Variants in FHOD3 observed in about 807,000 individuals in gnomAD.
The protein encoded by FHOD3 is FH1/FH2 domain-containing protein 3.
In FHOD3, 90 loss-of-function variants were observed where a neutral mutation model predicts 173.0. The ratio of observed to expected loss-of-function variants is 0.52; its 90% CI spans 0.44 to 0.62. FHOD3 has a LOEUF of 0.62. FHOD3 is among the 20% of genes least tolerant of loss of function. The pLI, the probability that FHOD3 is intolerant of heterozygous loss-of-function variation, is 0.00. For synonymous variants in FHOD3, 828 were observed against 823.0 expected (o/e 1.01, Z -0.10); for missense variants, 1,945 against 2,034.7 (o/e 0.96, Z 0.85).
intron 3 of FHOD3, among the ~76,000 whole-genome samples, chr18:36,434,756 G>T (rs1232811079): frequency 1.3e-5 from 2 of 151,970 alleles, no homozygotes; most frequent in Non-Finnish European, 2.9e-5. Context: ...AATTTTCAGG[G>T]TACAGGTCTT....
intron 13 of FHOD3, 93 bp downstream of exon 13, chr18:36,653,509 C>T: frequency 1.1e-6 from 1 of 908,136 alleles, no homozygotes; most frequent in Non-Finnish European, 1.7e-6. Flanking sequence ...TAATATCTTC[C>T]TACAACGTGA....
chr18:36,633,068 G>A (rs2034629076), intron 10 of FHOD3, among the ~76,000 whole-genome samples: 2 of 152,214 alleles, frequency 1.3e-5, no homozygotes, highest in South Asian at 4.1e-4. Context: ...CATGCGCAGT[G>A]CCCTGCTGGC....
intron 6 of FHOD3, among the ~76,000 whole-genome samples, chr18:36,583,438 T>C (rs2058923288): frequency 6.6e-6 from 1 of 152,212 alleles, no homozygotes; most frequent in South Asian, 2.1e-4. Flanking sequence ...TACAGGGTTT[T>C]ATTCTTTTCC....
At chr18:36,379,012 A>AT (rs2047599914) in intron 3 of FHOD3, among the ~76,000 whole-genome samples, 1 of 152,204 alleles carries the variant, frequency 6.6e-6, no homozygotes, top group Non-Finnish European at 1.5e-5. Context: ...GCTGGGAACC[A>AT]TTCAGTTCTG....
chr18:36,544,926 A>G (rs1195323047), intron 5 of FHOD3, among the ~76,000 whole-genome samples: 1 of 152,252 alleles, frequency 6.6e-6, no homozygotes, highest in Non-Finnish European at 1.5e-5. Flanking sequence ...TATTTCTTAC[A>G]TTAAAATCCT....
chr18:36,777,742 C>T (rs2043784897), intron 28 of FHOD3: 1 of 152,176 alleles, frequency 6.6e-6, no homozygotes, highest in Non-Finnish European at 1.5e-5. Context: ...AGGAGCCAAA[C>T]ATTTTGTCTT....
intron 8 of FHOD3, 76 bp from the exon 9 acceptor site, chr18:36,611,876 G>A: frequency 6.4e-6 from 9 of 1,410,392 alleles, no homozygotes; most frequent in Non-Finnish European, 8.7e-6. Context: ...GCCTGGATTA[G>A]GCATTGGAAA....
At chr18:36,436,331 TA>T (rs1429454040) in intron 3 of FHOD3, among the ~76,000 whole-genome samples, 1 of 152,200 alleles carries the variant, frequency 6.6e-6, no homozygotes, top group Non-Finnish European at 1.5e-5. Context: ...TTTTTTTATT[TA>T]AAAAATCTGG....
At chr18:36,594,662 A>G in intron 6 of FHOD3, 125 bp from the exon 7 acceptor site, 1 of 632,176 alleles carries the variant, frequency 1.6e-6, no homozygotes. Context: ...TCTGTGAAGG[A>G]ATCTGTGTAA....
chr18:36,416,022 A>T (rs1221291246), intron 3 of FHOD3, among the ~76,000 whole-genome samples: 1 of 152,114 alleles, frequency 6.6e-6, no homozygotes, highest in Admixed American at 6.6e-5. Context: ...AATATCATAT[A>T]CATAGGTGTC....
In FHOD3 at chr18:36,760,779, C is replaced by G. The variant is rs2042838474; in HGVS notation, c.4621C>G (p.Arg1541Gly). The G allele has an allele frequency of 1.9e-6, 3 of 1,609,018 alleles. No individual in the cohort carries two copies. The highest frequency in any genetic ancestry group is 2.5e-6 in the Non-Finnish European group (3 of 1,178,116). Residue 1541 changes from arginine (R) to glycine (G), a missense_variant, in exon 27 of 29, where the codon CGA becomes GGA. By Grantham distance (125) the Arg-to-Gly change is moderately radical. This residue lies in a region of FHOD3 where 354 missense variants were observed against 359.9 expected (regional missense o/e 0.98). Transcript: ENST00000590592. The part of the protein sequence containing the change: ...LGVRTRSRAS[R>G]GSTSSWTMGT... ...CGTCCGCACACGCAGCCGAGCAAGC[C>G]GAGGTAACTCCTGGCTGCGCGGGGC...
chr18:36,754,612 C>T (rs1244317799), intron 24 of FHOD3, among the ~76,000 whole-genome samples: 1 of 151,952 alleles, frequency 6.6e-6, no homozygotes, highest in Non-Finnish European at 1.5e-5. Flanking sequence ...TATGAATTAA[C>T]ATGTTATTCA....
intron 1 of FHOD3, among the ~76,000 whole-genome samples, chr18:36,338,407 T>G (rs2045435112): frequency 6.6e-6 from 1 of 152,176 alleles, no homozygotes; most frequent in African/African-American, 2.4e-5. Context: ...AACCTGGCTT[T>G]TTATGTACCG....
chr18:36,740,965 A>G, intron 21 of FHOD3, 127 bp downstream of exon 21: 2 of 897,518 alleles, frequency 2.2e-6, no homozygotes, highest in Non-Finnish European at 1.6e-6. Context: ...TGAATTGACA[A>G]TGAGGAGGTC....
At chr18:36,716,147 T>A (rs543113783) in intron 18 of FHOD3, among the ~76,000 whole-genome samples, 2 of 152,240 alleles carry the variant, frequency 1.3e-5, no homozygotes, top group Admixed American at 6.5e-5. Flanking sequence ...GACATTTTTA[T>A]AAACATCATG....
At chr18:36,762,865 A>G (rs1438433167) in intron 27 of FHOD3, among the ~76,000 whole-genome samples, 1 of 147,598 alleles carries the variant, frequency 6.8e-6, no homozygotes, top group Non-Finnish European at 1.5e-5. Flanking sequence ...TATTATATAC[A>G]TAATATATAA....
At chr18:36,304,628 A>G (rs117965073) in intron 1 of FHOD3, among the ~76,000 whole-genome samples, 2,648 of 152,268 alleles carry the variant, frequency 0.017, 34 homozygotes, top group Admixed American at 0.029. Flanking sequence ...GAATCTTAGA[A>G]AAACAAGTGT....
chr18:36,750,889 C>T (rs1257948701), intron 24 of FHOD3, among the ~76,000 whole-genome samples: 1 of 152,074 alleles, frequency 6.6e-6, no homozygotes, highest in African/African-American at 2.4e-5. Context: ...TACTGTAGCC[C>T]TATATTGTAA....
At chr18:36,325,565 C>T (rs1438808848) in intron 1 of FHOD3, among the ~76,000 whole-genome samples, 1 of 152,122 alleles carries the variant, frequency 6.6e-6, no homozygotes, top group Non-Finnish European at 1.5e-5. Flanking sequence ...TTTCTGTGGC[C>T]CTTTCTCTCC....
Sources: gnomAD v4.1 joint callset for allele counts (sites outside exome capture counted in the v4.1 genomes callset) on GRCh38, gnomAD v4.1.1 for gene constraint, gnomAD v4.1.1 regional missense constraint, MANE v1.5 for transcripts, NCBI Gene and HGNC (gene_info 2026-07-23, HGNC 2026-07-21) for gene names.